The following TMTC1 variants were observed in gnomAD, a reference collection of about 807,000 sequenced individuals.
TMTC1 encodes protein O-mannosyl-transferase TMTC1.
TMTC1 carries 73 observed loss-of-function variants against 104.8 expected under a neutral mutation model. That is an observed-to-expected ratio of 0.70 (90% CI 0.58 to 0.85). The LOEUF is 0.85. Ranked by LOEUF, TMTC1 falls within the 40% of genes least tolerant of loss-of-function variation. The pLI is 0.00. For missense variants in TMTC1, 1,035 were observed against 1,096.1 expected (o/e 0.94, Z 0.79); for synonymous variants, 434 against 428.7 (o/e 1.01, Z -0.15).
chr12:29,682,972 G>A (rs1330212254), intron 5 of TMTC1, among the ~76,000 whole-genome samples: 1 of 152,116 alleles, frequency 6.6e-6, no homozygotes, highest in Admixed American at 6.5e-5. Flanking sequence ...CTGAACAAAG[G>A]GGATAGAGAA....
At chr12:29,537,966 C>T (rs1443509916) in intron 10 of TMTC1, among the ~76,000 whole-genome samples, 2 of 152,116 alleles carry the variant, frequency 1.3e-5, no homozygotes, top group East Asian at 1.9e-4. Context: ...TTATCATTAT[C>T]GATTATATGT....
chr12:29,710,709 AT>A (rs1398701835), intron 5 of TMTC1, among the ~76,000 whole-genome samples: 3 of 138,272 alleles, frequency 2.2e-5, no homozygotes, highest in African/African-American at 8.0e-5. Context: ...ATAAATATGT[AT>A]TTATAATTTT....
intron 5 of TMTC1, among the ~76,000 whole-genome samples, chr12:29,739,041 A>G (rs577725228): frequency 3.0e-4 from 46 of 152,344 alleles, no homozygotes; most frequent in Non-Finnish European, 4.9e-4. Flanking sequence ...ATATAACAAT[A>G]TCAAATGCTT....
chr12:29,622,773 G>T (rs1469899597), intron 6 of TMTC1, among the ~76,000 whole-genome samples: 1 of 152,142 alleles, frequency 6.6e-6, no homozygotes, highest in African/African-American at 2.4e-5. Context: ...CCTTTCTAGA[G>T]AATGAATGGT....
At chr12:29,547,414 G>A (rs905065840) in intron 10 of TMTC1, among the ~76,000 whole-genome samples, 4 of 152,168 alleles carry the variant, frequency 2.6e-5, no homozygotes, top group Non-Finnish European at 5.9e-5. Flanking sequence ...GTAGGGGAGA[G>A]GGACTCACAA....
chr12:29,549,880 T>C (rs560558022), intron 10 of TMTC1, among the ~76,000 whole-genome samples: 36 of 152,276 alleles, frequency 2.4e-4, no homozygotes, highest in Admixed American at 2.0e-3. Context: ...TTGTTTTCCA[T>C]GTAGGGATCC....
At position 29,722,080 on chromosome 12, in the gene TMTC1, T is replaced by G. The variant is rs568939531; in HGVS notation, c.938+29586A>C. On this transcript the variant is annotated intron_variant, in intron 5 of 17. Transcript: ENST00000539277. ...GCTTCTAGAAAACTCCATTGTGCATTCATGAAAGAATGAGAAAAAGGCAAA... is the reference window on the plus strand; with the variant it reads ...GCTTCTAGAAAACTCCATTGTGCATGCATGAAAGAATGAGAAAAAGGCAAA... Among the ~76,000 whole-genome samples, 233 of 152,310 alleles carry G rather than the reference T, an allele frequency of 1.5e-3. 2 individuals are homozygous for G. Among genetic ancestry groups the G allele is most frequent in the Non-Finnish European group, 3.5e-4 (24 of 68,028 alleles).
intron 5 of TMTC1, among the ~76,000 whole-genome samples, chr12:29,685,450 A>T (rs567124654): frequency 6.6e-6 from 1 of 152,130 alleles, no homozygotes; most frequent in African/African-American, 2.4e-5. Flanking sequence ...TGTAGTGCTT[A>T]AAAGATTGAG....
intron 5 of TMTC1, among the ~76,000 whole-genome samples, chr12:29,704,105 G>T (rs1045638051): frequency 3.3e-5 from 5 of 152,206 alleles, no homozygotes; most frequent in South Asian, 2.1e-4. Context: ...ATACACTTAG[G>T]TTGAGTTATT....
intron 5 of TMTC1, among the ~76,000 whole-genome samples, chr12:29,642,538 G>A (rs971977927): frequency 2.2e-4 from 34 of 152,088 alleles, no homozygotes; most frequent in Admixed American, 2.1e-3. Flanking sequence ...ACAAACAAAT[G>A]CTGAGAGAAT....
intron 6 of TMTC1, among the ~76,000 whole-genome samples, chr12:29,613,017 T>A (rs1591806122): frequency 6.6e-6 from 1 of 152,306 alleles, no homozygotes; most frequent in East Asian, 1.9e-4. Context: ...TAAATTTAAA[T>A]CTACACACAT....
chr12:29,506,758 G>T lies in TMTC1; in HGVS notation c.*88C>A, dbSNP rs535110253. Reference sequence around the variant, plus strand: ...GGAATGAGAGAAAATCTCATTAGTTGTGCCCCTGCTGATGTGAAAGCAAGG... The same window carrying T: ...GGAATGAGAGAAAATCTCATTAGTTTTGCCCCTGCTGATGTGAAAGCAAGG... On this transcript the variant is annotated 3_prime_UTR_variant, in exon 18 of 18. Transcript: ENST00000539277. 2.4e-5 allele frequency: 36 copies of T among 1,506,102 alleles called. No individual in the cohort carries two copies. In the African/African-American group the frequency reaches 4.9e-4, roughly 21 times the overall value. 93.3% of individuals were successfully genotyped at this position (1,506,102 alleles called of 1,614,324 possible).
intron 5 of TMTC1, among the ~76,000 whole-genome samples, chr12:29,645,308 C>T (rs1939217665): frequency 1.3e-5 from 2 of 152,170 alleles, no homozygotes; most frequent in African/African-American, 4.8e-5. Context: ...TTTTGTAGCC[C>T]TCTTCAGCAC....
intron 11 of TMTC1, chr12:29,533,349 C>T (rs1340049784): frequency 6.6e-6 from 1 of 152,098 alleles, no homozygotes; most frequent in Non-Finnish European, 1.5e-5. Flanking sequence ...TTTATTGGCA[C>T]TGAGGATGGG....
intron 11 of TMTC1, among the ~76,000 whole-genome samples, chr12:29,523,223 T>G (rs560869490): frequency 1.1e-4 from 17 of 152,328 alleles, no homozygotes; most frequent in African/African-American, 4.1e-4. Flanking sequence ...CAAAGTTTAT[T>G]TGAGCAAGAA....
At chr12:29,522,887 AC>A (rs1414344919) in intron 11 of TMTC1, among the ~76,000 whole-genome samples, 1 of 152,182 alleles carries the variant, frequency 6.6e-6, no homozygotes, top group Non-Finnish European at 1.5e-5. Flanking sequence ...ATCTATTAAA[AC>A]ATTTGAAACA....
chr12:29,524,996 A>G (rs890851331), intron 11 of TMTC1, among the ~76,000 whole-genome samples: 1 of 152,000 alleles, frequency 6.6e-6, no homozygotes, highest in African/African-American at 2.4e-5. Flanking sequence ...CATGTCTAGG[A>G]TGCCATTTGT....
chr12:29,613,879 T>C (rs1946910244), intron 6 of TMTC1: 1 of 895,358 alleles, frequency 1.1e-6, no homozygotes, highest in Non-Finnish European at 1.3e-6. Flanking sequence ...GACAAAATGT[T>C]TTACTTTTTC....
chr12:29,538,744 A>G (rs1048638554), intron 10 of TMTC1, among the ~76,000 whole-genome samples: 1 of 152,118 alleles, frequency 6.6e-6, no homozygotes, highest in African/African-American at 2.4e-5. Flanking sequence ...TATACCAAGA[A>G]CCCAGATTCT....
Sources: gnomAD v4.1 joint callset for allele counts (sites outside exome capture counted in the v4.1 genomes callset) on GRCh38, gnomAD v4.1.1 for gene constraint, MANE v1.5 for transcripts, NCBI Gene and HGNC (gene_info 2026-07-23, HGNC 2026-07-21) for gene names.